PHTF2: variants seen among roughly 807,000 people sequenced by gnomAD.
PHTF2 encodes the protein protein PHTF2.
A neutral mutation model predicts 101.2 loss-of-function variants in PHTF2; 60 were observed. The observed-to-expected ratio is 0.59, with a 90% CI of 0.48 to 0.73. PHTF2 has a LOEUF of 0.73. Among genes scored for constraint, PHTF2 ranks in the 30% least tolerant of loss-of-function variants. The pLI is 0.00. For missense variants in PHTF2, 747 were observed against 908.7 expected (o/e 0.82, Z 2.29); for synonymous variants, 311 against 307.3 (o/e 1.01, Z -0.13).
intron 12 of PHTF2, among the ~76,000 whole-genome samples, chr7:77,935,916 G>A (rs1466693222): frequency 6.6e-6 from 1 of 152,170 alleles, no homozygotes; most frequent in Admixed American, 6.5e-5. Flanking sequence ...TCTAGTGAAA[G>A]TTTGATACAT....
chr7:77,860,573 A>C lies in PHTF2; in HGVS notation c.147+5739A>C, dbSNP rs543117562. 8.5e-5 allele frequency among the ~76,000 whole-genome samples: 13 copies of C among 152,350 alleles called. No individual in the cohort carries two copies. The East Asian group carries it at 2.5e-3, about 29-fold the overall frequency. On this transcript the variant is annotated intron_variant, in intron 3 of 19. Coordinates refer to ENST00000416283, the Ensembl canonical transcript of PHTF2. ...TGCTGTGATGATTAAATGACACAAC[A>C]TATATAAACACCAAGTACAGTGCTT...
intron 1 of PHTF2, among the ~76,000 whole-genome samples, chr7:77,821,465 G>C (rs750620961): frequency 6.6e-6 from 1 of 151,938 alleles, no homozygotes; most frequent in Non-Finnish European, 1.5e-5. Flanking sequence ...CTGGCCTGTG[G>C]ATGTATGTAT....
intron 12 of PHTF2, among the ~76,000 whole-genome samples, chr7:77,930,342 A>T (rs968957015): frequency 2.6e-5 from 4 of 152,150 alleles, no homozygotes; most frequent in African/African-American, 4.8e-5. Flanking sequence ...CTTTATTTGA[A>T]TGTCCCACCA....
At chr7:77,924,123 A>T (rs1461287470) in intron 11 of PHTF2, 1 of 957,624 alleles carries the variant, frequency 1.0e-6, no homozygotes, top group Admixed American at 6.2e-5. Flanking sequence ...CCAGCTTTAA[A>T]GGGCGTTTCT....
chr7:77,847,815 A>G (rs1249168173), intron 2 of PHTF2, among the ~76,000 whole-genome samples: 2 of 152,142 alleles, frequency 1.3e-5, no homozygotes, highest in African/African-American at 4.8e-5. Context: ...CATTCTATCT[A>G]ACTGTGGTTT....
At chr7:77,925,829 G>A (rs1027504769) in intron 11 of PHTF2, among the ~76,000 whole-genome samples, 6 of 151,956 alleles carry the variant, frequency 3.9e-5, no homozygotes, top group African/African-American at 1.2e-4. Flanking sequence ...AGGCTGAGGC[G>A]GGCAGATCAC....
intron 17 of PHTF2, 137 bp downstream of exon 16, chr7:77,949,970 GAC>G (rs796645780): frequency 1.2e-4 from 59 of 501,302 alleles, no homozygotes; most frequent in African/African-American, 9.8e-4. Flanking sequence ...AATTTAATAG[GAC>G]ACAAGCCTTT....
chr7:77,931,619 T>A (rs898701464), intron 12 of PHTF2, among the ~76,000 whole-genome samples: 32 of 152,176 alleles, frequency 2.1e-4, no homozygotes, highest in African/African-American at 7.2e-4. Context: ...ATACTGATGT[T>A]TGTTTGTACA....
chr7:77,923,210 C>A, intron 11 of PHTF2: 2 of 909,800 alleles, frequency 2.2e-6, no homozygotes, highest in Non-Finnish European at 2.6e-6. Context: ...TTCTTTGTTT[C>A]TATTTTTCCT....
At chr7:77,833,268 G>C (rs1430720791) in intron 1 of PHTF2, among the ~76,000 whole-genome samples, 1 of 152,200 alleles carries the variant, frequency 6.6e-6, no homozygotes, top group Non-Finnish European at 1.5e-5. Flanking sequence ...GTAGAAAAAT[G>C]TTGAAAGTAT....
chr7:77,954,825 GGCTT>G (rs1193170736), intron 19 of PHTF2, 29 bp from the exon 19 acceptor site: 1 of 1,340,148 alleles, frequency 7.5e-7, no homozygotes, highest in Non-Finnish European at 1.0e-6. Flanking sequence ...TATTAAAACT[GGCTT>G]GTCACCACTT....
intron 3 of PHTF2, among the ~76,000 whole-genome samples, chr7:77,874,134 C>G (rs2150727015): frequency 6.6e-6 from 1 of 152,334 alleles, no homozygotes; most frequent in South Asian, 2.1e-4. Context: ...CTCCTTGCCT[C>G]TCATGAGTGA....
At chr7:77,815,998 A>G (rs1404956169) in intron 1 of PHTF2, among the ~76,000 whole-genome samples, 1 of 152,128 alleles carries the variant, frequency 6.6e-6, no homozygotes. Flanking sequence ...GTAAGGTAGT[A>G]AAGTTAGATG....
intron 11 of PHTF2, chr7:77,924,169 A>G: frequency 2.1e-6 from 2 of 941,560 alleles, no homozygotes; most frequent in Non-Finnish European, 2.5e-6. Flanking sequence ...TTGAATAAAT[A>G]AAATGGAAAC....
chr7:77,929,340 T>A lies in PHTF2; in HGVS notation c.1338+13T>A. The A allele has an allele frequency of 5.6e-6, 8 of 1,425,536 alleles. No homozygotes were observed. Among genetic ancestry groups the A allele is most frequent in the Non-Finnish European group, 7.9e-6 (8 of 1,012,174 alleles). 88.3% of individuals were successfully genotyped at this position (1,425,536 alleles called of 1,614,324 possible). A position where few individuals can be genotyped will look rare whatever the true frequency, so the allele number is the denominator to read the frequency against. ...CCCTTTTCATCAGGTTGGTTTATGG[T>A]TTTGGCTTATGTGGAGCTATGAGTC... is the stretch of plus-strand genomic sequence containing the variant. On this transcript the variant is annotated intron_variant, in intron 12 of 19. Coordinates refer to ENST00000416283, the Ensembl canonical transcript of PHTF2.
chr7:77,846,675 C>T (rs1198013955), intron 2 of PHTF2, among the ~76,000 whole-genome samples: 1 of 149,750 alleles, frequency 6.7e-6, no homozygotes, highest in African/African-American at 2.5e-5. Context: ...GCCTATCTCG[C>T]TCTGTCACTC....
chr7:77,851,342 CTG>C (rs1796743785), intron 2 of PHTF2, among the ~76,000 whole-genome samples: 1 of 152,014 alleles, frequency 6.6e-6, no homozygotes, highest in South Asian at 2.1e-4. Flanking sequence ...GGTAGCTTGT[CTG>C]TGTTTAGGAA....
At chr7:77,822,142 T>C (rs1794341757) in intron 1 of PHTF2, among the ~76,000 whole-genome samples, 1 of 152,050 alleles carries the variant, frequency 6.6e-6, no homozygotes, top group Admixed American at 6.5e-5. Flanking sequence ...TTGCCTTAGG[T>C]GGGAGTGCCA....
At chr7:77,946,958 C>CAA (rs113457897) in intron 16 of PHTF2, among the ~76,000 whole-genome samples, 2,958 of 66,370 alleles carry the variant, frequency 0.045, 43 homozygotes, top group Middle Eastern at 0.16. Flanking sequence ...CTGGTCTCTA[C>CAA]AAAAAAAAAA....
Sources: gnomAD v4.1 joint callset for allele counts (sites outside exome capture counted in the v4.1 genomes callset) on GRCh38, gnomAD v4.1.1 for gene constraint, MANE v1.5 for transcripts, NCBI Gene and HGNC (gene_info 2026-07-23, HGNC 2026-07-21) for gene names.